GPR158: variants seen among roughly 807,000 people sequenced by gnomAD.
GPR158 encodes metabotropic glycine receptor.
GPR158 carries 30 observed loss-of-function variants against 78.2 expected under a neutral mutation model. That is an observed-to-expected ratio of 0.38 (90% confidence interval 0.29 to 0.52). The LOEUF (loss-of-function observed/expected upper bound fraction) is 0.52. GPR158 is among the 20% of genes least tolerant of loss of function. The pLI, the probability that GPR158 is intolerant of heterozygous loss-of-function variation, is 0.83. For missense variants in GPR158, 1,463 were observed against 1,523.5 expected (o/e 0.96, Z 0.66); for synonymous variants, 581 against 591.1 (o/e 0.98, Z 0.25).
intron 1 of GPR158, among the ~76,000 whole-genome samples, chr10:25,184,832 A>G (rs934297618): frequency 6.6e-6 from 1 of 152,234 alleles, no homozygotes; most frequent in Non-Finnish European, 1.5e-5. Flanking sequence ...AATTGTGAAG[A>G]TAAGCATTTT....
At chr10:25,308,215 C>T (rs1854710515) in intron 2 of GPR158, among the ~76,000 whole-genome samples, 3 of 151,994 alleles carry the variant, frequency 2.0e-5, no homozygotes, top group East Asian at 1.9e-4. Flanking sequence ...TAAATGTGTG[C>T]CATGGTGGTT....
intron 4 of GPR158, among the ~76,000 whole-genome samples, chr10:25,414,470 A>G (rs1230483033): frequency 6.6e-6 from 1 of 152,170 alleles, no homozygotes; most frequent in African/African-American, 2.4e-5. Context: ...CAGTTTTTAC[A>G]GAATGTGACA....
chr10:25,360,536 G>T (rs1855620932), intron 2 of GPR158, among the ~76,000 whole-genome samples: 1 of 151,302 alleles, frequency 6.6e-6, no homozygotes, highest in African/African-American at 2.5e-5. Context: ...GTTTTTGTCG[G>T]GTTTGTCAAA....
At chr10:25,433,686 CTTTCTTTCTTTTTT>C (rs1377724635) in intron 4 of GPR158, among the ~76,000 whole-genome samples, 3 of 64,762 alleles carry the variant, frequency 4.6e-5, no homozygotes, top group Non-Finnish European at 1.2e-4. Flanking sequence ...TTCTTTCTTT[CTTTCTTTCTTTTTT>C]TTTTTTTTTT....
chr10:25,237,316 TTCTAAG>T (rs754226944), intron 2 of GPR158, among the ~76,000 whole-genome samples: 1 of 152,210 alleles, frequency 6.6e-6, no homozygotes, highest in Non-Finnish European at 1.5e-5. Flanking sequence ...GATGTTTAGA[TTCTAAG>T]TCTAACTTTA....
At chr10:25,514,860 G>C (rs1242592648) in intron 5 of GPR158, among the ~76,000 whole-genome samples, 1 of 152,150 alleles carries the variant, frequency 6.6e-6, no homozygotes, top group South Asian at 2.1e-4. Context: ...TTTCTAGCTT[G>C]TAGGGTTTCT....
At chr10:25,309,421 A>G (rs974654452) in intron 2 of GPR158, among the ~76,000 whole-genome samples, 1 of 151,840 alleles carries the variant, frequency 6.6e-6, no homozygotes, top group Non-Finnish European at 1.5e-5. Flanking sequence ...ATTGTTATTG[A>G]GTTTTAAGAG....
At chr10:25,186,115 A>C (rs935295058) in intron 1 of GPR158, among the ~76,000 whole-genome samples, 1 of 152,214 alleles carries the variant, frequency 6.6e-6, no homozygotes, top group Non-Finnish European at 1.5e-5. Context: ...CCTGCTCCTG[A>C]ATGACTACTG....
intron 1 of GPR158, among the ~76,000 whole-genome samples, chr10:25,186,073 CA>C (rs1430353049): frequency 6.6e-6 from 1 of 152,150 alleles, no homozygotes; most frequent in Non-Finnish European, 1.5e-5. Context: ...GAAACTCACT[CA>C]AAACCACTCA....
intron 2 of GPR158, among the ~76,000 whole-genome samples, chr10:25,369,713 C>G (rs920830629): frequency 5.7e-4 from 86 of 151,762 alleles, no homozygotes; most frequent in African/African-American, 1.7e-3. Context: ...CCCTCTTTTT[C>G]TGTTGATTGG....
At chr10:25,377,528 G>C (rs1248961954) in intron 2 of GPR158, among the ~76,000 whole-genome samples, 4 of 151,866 alleles carry the variant, frequency 2.6e-5, no homozygotes, top group East Asian at 1.9e-4. Context: ...GTACTCATTA[G>C]GTTCATTCTC....
At chr10:25,525,695 GTTCATTTT>G (rs533604869) in intron 5 of GPR158, among the ~76,000 whole-genome samples, 6 of 152,266 alleles carry the variant, frequency 3.9e-5, no homozygotes, top group Admixed American at 1.3e-4. Flanking sequence ...TCATTATGGG[GTTCATTTT>G]TGAGGTGGGG....
intron 5 of GPR158, among the ~76,000 whole-genome samples, chr10:25,540,827 G>C (rs1588904615): frequency 6.6e-6 from 1 of 151,788 alleles, no homozygotes; most frequent in African/African-American, 2.4e-5. Flanking sequence ...AGCATTAAGA[G>C]ATATACCTAA....
chr10:25,593,895 G>T (rs1483534114), intron 8 of GPR158, among the ~76,000 whole-genome samples: 1 of 151,944 alleles, frequency 6.6e-6, no homozygotes, highest in Non-Finnish European at 1.5e-5. Flanking sequence ...TTTAAACATT[G>T]ATGCTTTGTA....
At chr10:25,501,645 C>T (rs899521943) in intron 5 of GPR158, among the ~76,000 whole-genome samples, 3 of 152,138 alleles carry the variant, frequency 2.0e-5, no homozygotes, top group Non-Finnish European at 2.9e-5. Flanking sequence ...CTTGGGAATG[C>T]GGCTCTGGCC....
chr10:25,401,164 C>T (rs1042476211), intron 3 of GPR158, among the ~76,000 whole-genome samples: 4 of 152,094 alleles, frequency 2.6e-5, no homozygotes, highest in African/African-American at 9.7e-5. Context: ...AGCTCAGTAT[C>T]AGTCTCTAGT....
intron 2 of GPR158, among the ~76,000 whole-genome samples, chr10:25,328,188 A>G (rs1282455065): frequency 6.6e-6 from 1 of 152,120 alleles, no homozygotes; most frequent in Non-Finnish European, 1.5e-5. Flanking sequence ...ACATAGATAT[A>G]TATAGATATA....
intron 8 of GPR158, among the ~76,000 whole-genome samples, chr10:25,591,681 AT>A (rs1837342630): frequency 6.6e-6 from 1 of 152,112 alleles, no homozygotes; most frequent in Non-Finnish European, 1.5e-5. Context: ...GTAGGCTTTG[AT>A]TTTTTAGCAA....
At chr10:25,443,645 G>C (rs1006850700) in intron 4 of GPR158, among the ~76,000 whole-genome samples, 1 of 146,796 alleles carries the variant, frequency 6.8e-6, no homozygotes, top group South Asian at 2.1e-4. Flanking sequence ...GACCTCAAGC[G>C]ATCATTCCAC....
Sources: allele counts gnomAD v4.1 joint callset (sites outside exome capture counted in the v4.1 genomes callset), GRCh38; gene constraint gnomAD v4.1.1; transcripts MANE v1.5; gene names NCBI Gene and HGNC (gene_info 2026-07-23, HGNC 2026-07-21).